Variants in LARGE1 observed in about 807,000 individuals in gnomAD.
LARGE1 encodes the protein LARGE xylosyl- and glucuronyltransferase 1.
In LARGE1, 43 loss-of-function variants were observed where a neutral mutation model predicts 87.6. The ratio of observed to expected loss-of-function variants is 0.49; its 90% CI spans 0.38 to 0.63. The LOEUF (loss-of-function observed/expected upper bound fraction) is 0.63, where lower values mean the gene tolerates loss of function less well. Ranked by LOEUF, LARGE1 falls within the 30% of genes least tolerant of loss-of-function variation. The pLI is 0.00. For synonymous variants in LARGE1, 434 were observed against 394.6 expected, an observed-to-expected ratio of 1.10 and a Z score of -1.18; for missense variants, 802 against 1,000.2, an observed-to-expected ratio of 0.80 and a Z score of 2.67.
chr22:33,493,655 T>A (rs1433030162), intron 6 of LARGE1, among the ~76,000 whole-genome samples: 1 of 152,196 alleles, frequency 6.6e-6, no homozygotes, highest in Non-Finnish European at 1.5e-5. Flanking sequence ...AGTATGATCA[T>A]ACCCATTTTG....
intron 6 of LARGE1, among the ~76,000 whole-genome samples, chr22:33,536,777 T>A (rs2077055972): frequency 6.6e-6 from 1 of 152,104 alleles, no homozygotes; most frequent in Admixed American, 6.5e-5. Context: ...CTTACAGAGG[T>A]GGAATAAAGT....
chr22:33,813,080 C>T (rs553819928), intron 1 of LARGE1, among the ~76,000 whole-genome samples: 10 of 152,094 alleles, frequency 6.6e-5, no homozygotes, highest in Non-Finnish European at 1.3e-4. Flanking sequence ...CTAGGCCGGG[C>T]GCAGTGGCTC....
At chr22:33,402,876 G>A (rs2065970193) in intron 7 of LARGE1, among the ~76,000 whole-genome samples, 1 of 152,138 alleles carries the variant, frequency 6.6e-6, no homozygotes, top group African/African-American at 2.4e-5. Context: ...CCAGGCACTA[G>A]GCATGCCTAT....
intron 1 of LARGE1, among the ~76,000 whole-genome samples, chr22:33,841,597 T>A (rs1484344330): frequency 2.0e-5 from 3 of 152,172 alleles, no homozygotes; most frequent in African/African-American, 7.2e-5. Flanking sequence ...AAAAGCCTCA[T>A]CACATCTTGT....
At chr22:33,872,437 C>T (rs1018890044) in intron 1 of LARGE1, among the ~76,000 whole-genome samples, 1 of 151,284 alleles carries the variant, frequency 6.6e-6, no homozygotes, top group Admixed American at 6.6e-5. Flanking sequence ...TTTAACACGG[C>T]TCCTAAGAAA....
At chr22:33,318,747 T>TA (rs200248869) in intron 10 of LARGE1, among the ~76,000 whole-genome samples, 34 of 150,466 alleles carry the variant, frequency 2.3e-4, no homozygotes, top group African/African-American at 5.1e-4. Flanking sequence ...TAAAGTATAT[T>TA]AAAAAAAAAT....
chr22:33,123,473 T>G, the LARGE1 span, among the ~76,000 whole-genome samples: 2 of 152,184 alleles, frequency 1.3e-5, no homozygotes, highest in Non-Finnish European at 2.9e-5. Flanking sequence ...TCCCCATGTC[T>G]AGTAAGGATT....
chr22:33,854,126 C>T lies in LARGE1; in HGVS notation c.-83+65869G>A, dbSNP rs545674425. Among the ~76,000 whole-genome samples the T allele has an allele frequency of 3.5e-5, 5 of 144,164 alleles. No homozygotes were observed. The East Asian group carries it at 6.1e-4, about 18-fold the overall frequency. The allele number at this position is 144,164 out of a possible 152,430, so 94.6% of individuals were successfully genotyped here. ...TTCCAAGATCCATTTGCATCAAAAA[C>T]GTGAAAGCAAATGAGTATCACATTC... On this transcript the variant is annotated intron_variant, in intron 1 of 14. Coordinates refer to ENST00000397394, the MANE Select transcript of LARGE1 (RefSeq NM_133642.5).
intron 7 of LARGE1, among the ~76,000 whole-genome samples, chr22:33,414,699 T>C (rs2066425249): frequency 6.6e-6 from 1 of 152,182 alleles, no homozygotes. Flanking sequence ...TCAAAATCCA[T>C]ATGTTGAAAT....
the LARGE1 span, among the ~76,000 whole-genome samples, chr22:33,129,646 G>T: frequency 6.6e-6 from 1 of 150,862 alleles, no homozygotes; most frequent in African/African-American, 2.4e-5. Flanking sequence ...AAGGAAAGAG[G>T]TTTAATTGAC....
intron 7 of LARGE1, among the ~76,000 whole-genome samples, chr22:33,390,289 G>A (rs1224297975): frequency 6.6e-6 from 1 of 152,200 alleles, no homozygotes; most frequent in East Asian, 1.9e-4. Context: ...AGCTTCCTGA[G>A]CCTCCTCTAA....
chr22:33,099,498 TG>T, the LARGE1 span, among the ~76,000 whole-genome samples: 6 of 152,146 alleles, frequency 3.9e-5, no homozygotes. Context: ...GTGATCTACC[TG>T]CCTTGGCCTC....
At chr22:33,253,585 G>A (rs537460555) in intron 11 of LARGE1, among the ~76,000 whole-genome samples, 3 of 152,288 alleles carry the variant, frequency 2.0e-5, no homozygotes, top group South Asian at 2.1e-4. Context: ...GGTGGCAGGC[G>A]CCTATAATCT....
intron 1 of LARGE1, among the ~76,000 whole-genome samples, chr22:33,827,346 G>A (rs2062827683): frequency 2.0e-5 from 3 of 152,038 alleles, no homozygotes; most frequent in African/African-American, 7.2e-5. Context: ...CTCCAGCCTG[G>A]GTGACAGAGC....
chr22:33,241,374 C>T (rs1213342009), intron 11 of LARGE1, among the ~76,000 whole-genome samples: 2 of 152,088 alleles, frequency 1.3e-5, no homozygotes, highest in Non-Finnish European at 1.5e-5. Context: ...GTTGGCAATT[C>T]CTCGTTGCAG....
At chr22:33,650,303 T>G (rs2080753451) in intron 3 of LARGE1, 64 bp downstream of exon 3, 1 of 1,596,952 alleles carries the variant, frequency 6.3e-7, no homozygotes, top group East Asian at 2.2e-5. Flanking sequence ...AGGAGGCATT[T>G]GCAAGGGGTG....
At chr22:33,241,644 A>G (rs1000676466) in intron 11 of LARGE1, among the ~76,000 whole-genome samples, 3 of 151,698 alleles carry the variant, frequency 2.0e-5, no homozygotes, top group Non-Finnish European at 4.4e-5. Context: ...ATGTATATAT[A>G]TGTGTGTGTA....
chr22:33,530,333 T>C (rs2072133815), intron 6 of LARGE1, among the ~76,000 whole-genome samples: 1 of 152,208 alleles, frequency 6.6e-6, no homozygotes, highest in African/African-American at 2.4e-5. Context: ...ACAGCACAGT[T>C]ACTTGCAGCC....
At chr22:33,457,001 G>A (rs1032300602) in intron 6 of LARGE1, among the ~76,000 whole-genome samples, 1 of 152,172 alleles carries the variant, frequency 6.6e-6, no homozygotes, top group Non-Finnish European at 1.5e-5. Flanking sequence ...CAGGCACTAA[G>A]GCAAATGTGT....
Sources: allele counts gnomAD v4.1 joint callset (sites outside exome capture counted in the v4.1 genomes callset), GRCh38; gene constraint gnomAD v4.1.1; transcripts MANE v1.5; gene names NCBI Gene and HGNC (gene_info 2026-07-23, HGNC 2026-07-21).